Variants in TRNP1 observed in about 807,000 individuals in gnomAD.
TRNP1 encodes TMF-regulated nuclear protein 1.
Under a neutral mutation model 12.2 loss-of-function variants are expected in TRNP1, and 16 were observed. The observed-to-expected ratio is 1.31, with a 90% CI of 0.89 to 1.99. The LOEUF is 1.99. TRNP1 is among the 30% of genes most tolerant of loss of function. The probability of loss-of-function intolerance (pLI) is 0.00; values close to 1 mark genes in which losing one functional copy is unlikely to be tolerated. For missense variants in TRNP1, 338 were observed against 330.4 expected (o/e 1.02, Z -0.18); for synonymous variants, 139 against 166.2 (o/e 0.84, Z 1.26).
At chr1:26,998,705 C>T (rs2082557504) in intron 1 of TRNP1, among the ~76,000 whole-genome samples, 1 of 152,154 alleles carries the variant, frequency 6.6e-6, no homozygotes, top group South Asian at 2.1e-4. Context: ...ATATCTTAAC[C>T]ACCTCCTCTA....
chr1:26,995,519 T>G (rs886487789), intron 1 of TRNP1, among the ~76,000 whole-genome samples: 1 of 152,242 alleles, frequency 6.6e-6, no homozygotes, highest in East Asian at 1.9e-4. Context: ...TCACTCTCAC[T>G]TATCAGTCTG....
chr1:26,994,468 T>A lies in TRNP1; in HGVS notation c.682T>A (p.Ter228ArgextTer21). The part of the protein sequence containing the change: ...PPRGPASPQR[*>R] ...CCGCGGCCCCGCCTCCCCGCAGCGC[T>A]GACCTCCACGCCCGGACCCCTGGCC... Residue 228 changes from the stop codon to arginine (R), a stop_lost, in exon 1 of 2, where the codon TGA becomes AGA. Transcript: ENST00000522111. This position sits in a 1 kb window ranked among gnomAD's most constrained non-coding sequence, Gnocchi z 6.9. 8.5e-7 allele frequency: 1 copy of A among 1,177,174 alleles called. No individual in the cohort carries two copies. Among genetic ancestry groups the A allele is most frequent in the Non-Finnish European group, 1.1e-6 (1 of 952,298 alleles). 72.9% of individuals were successfully genotyped at this position (1,177,174 alleles called of 1,614,324 possible). A position where few individuals can be genotyped will look rare whatever the true frequency, so the allele number is the denominator to read the frequency against.
In TRNP1 at chr1:26,999,670, C is replaced by A. The variant is rs550803807; in HGVS notation, c.*143-177C>A. Among the ~76,000 whole-genome samples, 8 of 152,256 alleles carry A rather than the reference C, an allele frequency of 5.3e-5. No individual in the cohort carries two copies. In the East Asian group the frequency reaches 1.5e-3, roughly 29 times the overall value. On this transcript the variant is annotated intron_variant, in intron 1 of 1. Transcript: ENST00000522111. ...CAGGCTAGGGGATCCCAGCCAAGGA[C>A]AAAGGCCCAAGGGAACCTCTGCTTC...
In TRNP1 at chr1:26,994,221, G is replaced by T; in HGVS notation, c.435G>T (p.Ala145=). Residue 145 remains alanine, a synonymous_variant, in exon 1 of 2, where the codon GCG becomes GCT. Transcript: ENST00000522111. This position sits in a 1 kb window ranked among gnomAD's most constrained non-coding sequence, Gnocchi z 6.9. ...LAAELRLAHR[A]ESLSRLSGGV... ...CCGAGCTGCGCCTGGCGCACCGCGC[G>T]GAGAGCCTGAGCCGCCTGAGCGGCG... 1.6e-6 allele frequency: 2 copies of T among 1,273,614 alleles called. No homozygotes were observed. Among genetic ancestry groups the T allele is most frequent in the South Asian group, 2.2e-5 (1 of 44,508 alleles). 78.9% of individuals were successfully genotyped at this position (1,273,614 alleles called of 1,614,324 possible).
chr1:27,000,501 AAAAG>A lies in TRNP1; in HGVS notation c.*798_*801del, dbSNP rs1432231056. ...CATCTAAGCAAAGTTTTAAATGAAA[AAAAG>A]GAAACACATTTAAACATCCTGATAA... On this transcript the variant is annotated 3_prime_UTR_variant, in exon 2 of 2. Coordinates refer to ENST00000522111, the MANE Select transcript of TRNP1 (RefSeq NM_001013642.3). 6.6e-6 allele frequency: 1 copy of A among 152,656 alleles called. No homozygotes were observed. Among genetic ancestry groups the A allele is most frequent in the Non-Finnish European group, 1.5e-5 (1 of 68,048 alleles). 9.5% of individuals were successfully genotyped at this position (152,656 alleles called of 1,614,324 possible). A position where few individuals can be genotyped will look rare whatever the true frequency, so the allele number is the denominator to read the frequency against.
In TRNP1 at chr1:26,994,409, C is replaced by A; in HGVS notation, c.623C>A (p.Pro208His). Residue 208 changes from proline to histidine, a missense_variant, in exon 1 of 2, where the codon CCC (proline) becomes CAC (histidine). By Grantham distance (77) the Pro-to-His change is moderately conservative (BLOSUM62 -2). Coordinates refer to ENST00000522111, the MANE Select transcript of TRNP1 (RefSeq NM_001013642.3). The surrounding 1 kb of genome is among the most constrained non-coding windows in gnomAD (Gnocchi z 6.9). ...GGGCGACTGCGGCGCGGCCACGGCC[C>A]CGAGCCCGACTCGCCCTTCCGCCGC... ...GAGRLRRGHG[P>H]EPDSPFRRSP... The A allele has an allele frequency of 8.7e-7, 1 of 1,151,566 alleles. No individual in the cohort carries two copies. The highest frequency in any genetic ancestry group is 4.2e-5 in the South Asian group (1 of 23,592). The allele number at this position is 1,151,566 out of a possible 1,614,324, so 71.3% of individuals were successfully genotyped here.
In TRNP1 at chr1:26,994,224, G is replaced by T. The variant is rs1259919791; in HGVS notation, c.438G>T (p.Glu146Asp). 1 of 1,261,072 alleles carries T rather than the reference G, an allele frequency of 7.9e-7. No homozygotes were observed. Among genetic ancestry groups the T allele is most frequent in the Non-Finnish European group, 1.0e-6 (1 of 1,000,360 alleles). The allele number at this position is 1,261,072 out of a possible 1,614,324, so 78.1% of individuals were successfully genotyped here. Residue 146 changes from glutamate to aspartate, a missense_variant, in exon 1 of 2, where the codon GAG becomes GAT. Physicochemically the swap from Glu to Asp is conservative, Grantham distance 45. Transcript: ENST00000522111. This position sits in a 1 kb window ranked among gnomAD's most constrained non-coding sequence, Gnocchi z 6.9. ...AGCTGCGCCTGGCGCACCGCGCGGA[G>T]AGCCTGAGCCGCCTGAGCGGCGGCG... ...AAELRLAHRA[E>D]SLSRLSGGVA...
intron 1 of TRNP1, among the ~76,000 whole-genome samples, chr1:26,999,281 G>T (rs930101644): frequency 1.3e-5 from 2 of 152,220 alleles, no homozygotes; most frequent in Non-Finnish European, 2.9e-5. Context: ...CTACTCCGAA[G>T]GCTGAGACAG....
intron 1 of TRNP1, among the ~76,000 whole-genome samples, chr1:26,997,575 A>G (rs2082551443): frequency 6.6e-6 from 1 of 151,508 alleles, no homozygotes. Flanking sequence ...TCCCCACATG[A>G]CTTTCAGAAC....
rs1389033044 is a variant in TRNP1, at chr1:27,000,075, A to C, written c.*371A>C. The C allele has an allele frequency of 6.6e-6, 1 of 152,222 alleles. No homozygotes were observed. Among genetic ancestry groups the C allele is most frequent in the Non-Finnish European group, 1.5e-5 (1 of 68,044 alleles). The allele number at this position is 152,222 out of a possible 1,614,324, so 9.4% of individuals were successfully genotyped here. A position where few individuals can be genotyped will look rare whatever the true frequency, so the allele number is the denominator to read the frequency against. On this transcript the variant is annotated 3_prime_UTR_variant, in exon 2 of 2. Coordinates refer to ENST00000522111, the MANE Select transcript of TRNP1 (RefSeq NM_001013642.3). ...CATTTGACTTTGGCTTACACTGTACAATTGGAGATGTTGCTACAGGTCCCT... is the reference window on the plus strand; with the variant it reads ...CATTTGACTTTGGCTTACACTGTACCATTGGAGATGTTGCTACAGGTCCCT...
Position 26,993,777 on chromosome 1 carries a change from G to T in TRNP1, c.-10G>T. ...ACCTACAGCCGCAGACCGCCGGTGG[G>T]GGGCGGGGGATGCCGGGCTGCCGCA... is the stretch of plus-strand genomic sequence containing the variant. On this transcript the variant is annotated 5_prime_UTR_variant, in exon 1 of 2. Transcript: ENST00000522111. The T allele has an allele frequency of 7.6e-7, 1 of 1,313,536 alleles. No homozygotes were observed. The highest frequency in any genetic ancestry group is 2.1e-5 in the South Asian group (1 of 47,588). 81.4% of individuals were successfully genotyped at this position (1,313,536 alleles called of 1,614,324 possible). A position where few individuals can be genotyped will look rare whatever the true frequency, so the allele number is the denominator to read the frequency against.
chr1:26,994,209 G>C lies in TRNP1; in HGVS notation c.423G>C (p.Leu141=). Residue 141 remains leucine, a synonymous_variant, in exon 1 of 2, where the codon CTG becomes CTC. Transcript: ENST00000522111. This position sits in a 1 kb window ranked among gnomAD's most constrained non-coding sequence, Gnocchi z 6.9. ...HRVFLAAELR[L]AHRAESLSRL... ...TTTTCTTGGCGGCCGAGCTGCGCCT[G>C]GCGCACCGCGCGGAGAGCCTGAGCC... 1 of 1,284,698 alleles carries C rather than the reference G, an allele frequency of 7.8e-7. No individual in the cohort carries two copies. The highest frequency in any genetic ancestry group is 3.4e-5 in the East Asian group (1 of 29,234). 79.6% of individuals were successfully genotyped at this position (1,284,698 alleles called of 1,614,324 possible).
rs2082567236 is a variant in TRNP1, at chr1:27,000,502, A to T, written c.*798A>T. On this transcript the variant is annotated 3_prime_UTR_variant, in exon 2 of 2. Coordinates refer to ENST00000522111, the MANE Select transcript of TRNP1 (RefSeq NM_001013642.3). ...ATCTAAGCAAAGTTTTAAATGAAAA[A>T]AAGGAAACACATTTAAACATCCTGA... 6.6e-6 allele frequency: 1 copy of T among 152,656 alleles called. No individual in the cohort carries two copies. Among genetic ancestry groups the T allele is most frequent in the Admixed American group, 6.5e-5 (1 of 15,286 alleles). 9.5% of individuals were successfully genotyped at this position (152,656 alleles called of 1,614,324 possible). A position where few individuals can be genotyped will look rare whatever the true frequency, so the allele number is the denominator to read the frequency against.
intron 1 of TRNP1, among the ~76,000 whole-genome samples, chr1:26,997,906 C>T (rs2082553139): frequency 1.3e-5 from 2 of 152,134 alleles, no homozygotes; most frequent in African/African-American, 4.8e-5. Context: ...CATCCCTTTG[C>T]CCGGTAGTCC....
rs575018634 is a variant in TRNP1, at chr1:26,994,633, G to A, written c.*142+21G>A. The A allele has an allele frequency of 6.5e-4, 266 of 408,716 alleles. No individual in the cohort carries two copies. Among genetic ancestry groups the A allele is most frequent in the African/African-American group, 5.3e-3 (246 of 46,392 alleles). 25.3% of individuals were successfully genotyped at this position (408,716 alleles called of 1,614,324 possible). On this transcript the variant is annotated intron_variant, in intron 1 of 1. Coordinates refer to ENST00000522111, the MANE Select transcript of TRNP1 (RefSeq NM_001013642.3). The surrounding 1 kb of genome is among the most constrained non-coding windows in gnomAD (Gnocchi z 6.9). ...CTGAGGTGCGGTCTTAGCGGCTGGT[G>A]CGTTCGAGGGTCGGTCATGGCGTGT... is the stretch of plus-strand genomic sequence containing the variant.
chr1:26,997,318 GAAAAAAAAA>G (rs3028529), intron 1 of TRNP1, among the ~76,000 whole-genome samples: 1 of 81,844 alleles, frequency 1.2e-5, no homozygotes, highest in Non-Finnish European at 2.2e-5. Context: ...TGTGTCTCAA[GAAAAAAAAA>G]AAAAAAAAAA....
Position 26,999,934 on chromosome 1 carries a change from T to C in TRNP1, c.*230T>C, listed in dbSNP as rs1034469688. On this transcript the variant is annotated 3_prime_UTR_variant, in exon 2 of 2. Transcript: ENST00000522111. ...CTGGGCACTGCCTTCAGGAAGACGT[T>C]GAGAATTGACCTTACACAATCCCAG... is the stretch of plus-strand genomic sequence containing the variant. 1 of 152,234 alleles carries C rather than the reference T, an allele frequency of 6.6e-6. No individual in the cohort carries two copies. The highest frequency in any genetic ancestry group is 2.4e-5 in the African/African-American group (1 of 41,438). The allele number at this position is 152,234 out of a possible 1,614,324, so 9.4% of individuals were successfully genotyped here.
rs2082568266 is a variant in TRNP1, at chr1:27,000,672, G to A, written c.*968G>A. 1 of 152,456 alleles carries A rather than the reference G, an allele frequency of 6.6e-6. No individual in the cohort carries two copies. Among genetic ancestry groups the A allele is most frequent in the Non-Finnish European group, 1.5e-5 (1 of 68,026 alleles). 9.4% of individuals were successfully genotyped at this position (152,456 alleles called of 1,614,324 possible). A position where few individuals can be genotyped will look rare whatever the true frequency, so the allele number is the denominator to read the frequency against. ...GTAAGGCAAATGCATGGGGTTCTGA[G>A]GTTCACTTTGCAAGTGCCCTTGCTG... On this transcript the variant is annotated 3_prime_UTR_variant, in exon 2 of 2. Coordinates refer to ENST00000522111, the MANE Select transcript of TRNP1 (RefSeq NM_001013642.3).
Position 27,000,571 on chromosome 1 carries a change from G to A in TRNP1, c.*867G>A, listed in dbSNP as rs749111403. 3 of 152,758 alleles carry A rather than the reference G, an allele frequency of 2.0e-5. No homozygotes were observed. The highest frequency in any genetic ancestry group is 6.5e-5 in the Admixed American group (1 of 15,304). 9.5% of individuals were successfully genotyped at this position (152,758 alleles called of 1,614,324 possible). ...CACATTTACACATAGCCCAGAACTTGTAGAATTCTGCATAGTGAATGTATA... is the reference window on the plus strand; with the variant it reads ...CACATTTACACATAGCCCAGAACTTATAGAATTCTGCATAGTGAATGTATA... On this transcript the variant is annotated 3_prime_UTR_variant, in exon 2 of 2. Coordinates refer to ENST00000522111, the MANE Select transcript of TRNP1 (RefSeq NM_001013642.3).
Sources: allele counts gnomAD v4.1 joint callset (sites outside exome capture counted in the v4.1 genomes callset), GRCh38; gene constraint gnomAD v4.1.1; non-coding constraint Gnocchi (gnomAD v3.1); transcripts MANE v1.5; gene names NCBI Gene and HGNC (gene_info 2026-07-23, HGNC 2026-07-21).